The following SFSWAP variants were observed in gnomAD, a reference collection of about 807,000 sequenced individuals.
The protein encoded by SFSWAP is splicing factor, suppressor of white-apricot homolog.
SFSWAP carries 17 observed loss-of-function variants against 100.7 expected under a neutral mutation model. The observed-to-expected ratio is 0.17, with a 90% CI of 0.12 to 0.25. The LOEUF is 0.25. Among genes scored for constraint, SFSWAP ranks in the 10% least tolerant of loss-of-function variants. The probability of loss-of-function intolerance (pLI) is 1.00; values close to 1 mark genes in which losing one functional copy is unlikely to be tolerated. For missense variants in SFSWAP, 1,005 were observed against 1,262.6 expected (o/e 0.80, Z 3.09); for synonymous variants, 504 against 510.1 (o/e 0.99, Z 0.16).
At chr12:131,796,816 A>G (rs1885711546) in intron 15 of SFSWAP, 1 of 189,424 alleles carries the variant, frequency 5.3e-6, no homozygotes. Context: ...ACTTTGATGT[A>G]TTGATACTTT....
In SFSWAP at chr12:131,730,538, G is replaced by C. The variant is rs1278191314; in HGVS notation, c.1081+2110G>C. On this transcript the variant is annotated intron_variant, in intron 7 of 17. Transcript: ENST00000261674. This position sits in a 1 kb window ranked among gnomAD's most constrained non-coding sequence, Gnocchi z 4.0. ...TGTGACACACAGCATCCCCTGGTCT[G>C]GTGGGAATGTGATCTGAACTGAGGC... Among the ~76,000 whole-genome samples the C allele has an allele frequency of 3.3e-5, 5 of 152,214 alleles. No individual in the cohort carries two copies. The highest frequency in any genetic ancestry group is 7.3e-5 in the Non-Finnish European group (5 of 68,050).
At chr12:131,799,001 C>T (rs750457895) in intron 16 of SFSWAP, 36 bp from the exon 17 acceptor site, 6 of 1,536,964 alleles carry the variant, frequency 3.9e-6, no homozygotes, top group South Asian at 1.1e-5. Context: ...CATCTTCACA[C>T]GGTTGTAAGC....
intron 6 of SFSWAP, among the ~76,000 whole-genome samples, chr12:131,727,361 T>C (rs1393855487): frequency 6.6e-6 from 1 of 152,216 alleles, no homozygotes; most frequent in Non-Finnish European, 1.5e-5. Context: ...AAAATTGTTT[T>C]GTTGTGCGGG....
chr12:131,755,497 G>T lies in SFSWAP; in HGVS notation c.1548+18G>T. The T allele has an allele frequency of 6.4e-7, 1 of 1,573,690 alleles. No homozygotes were observed. The highest frequency in any genetic ancestry group is 8.7e-7 in the Non-Finnish European group (1 of 1,143,728). ...GCATGCAGGTACGTGTCTGAATGCA[G>T]GGAGGCTGTGAAGCTCTTAGAGGTG... On this transcript the variant is annotated intron_variant, in intron 10 of 17. Coordinates refer to ENST00000261674, the MANE Select transcript of SFSWAP (RefSeq NM_004592.4).
At chr12:131,789,506 C>A (rs1018737798) in intron 15 of SFSWAP, among the ~76,000 whole-genome samples, 6 of 152,156 alleles carry the variant, frequency 3.9e-5, no homozygotes, top group East Asian at 1.9e-4. Context: ...CTGCACCCCC[C>A]ACCTGGGTAA....
chr12:131,799,268 G>A (rs535314346), intron 17 of SFSWAP, among the ~76,000 whole-genome samples, 155 bp from the exon 18 acceptor site: 2 of 152,368 alleles, frequency 1.3e-5, no homozygotes, highest in East Asian at 1.9e-4. Flanking sequence ...GGGCAAAGCC[G>A]TGTGGCCCGC....
At position 131,786,586 on chromosome 12, in the gene SFSWAP, C is replaced by T; in HGVS notation, c.2532C>T (p.Ser844=). ...SPGASRKRTR[S]RSPHEKKKKR... Reference sequence around the variant, plus strand: ...GGGCCAGTAGGAAGCGGACCCGCTCCAGGTAGGCCACTGGGTGTGCACGCA... The same window carrying T: ...GGGCCAGTAGGAAGCGGACCCGCTCTAGGTAGGCCACTGGGTGTGCACGCA... Residue 844 remains serine, a splice_region_variant and synonymous_variant, in exon 15 of 18, where the codon TCC becomes TCT. Coordinates refer to ENST00000261674, the MANE Select transcript of SFSWAP (RefSeq NM_004592.4). 1 of 1,589,250 alleles carries T rather than the reference C, an allele frequency of 6.3e-7. No individual in the cohort carries two copies. The highest frequency in any genetic ancestry group is 8.6e-7 in the Non-Finnish European group (1 of 1,169,208).
intron 15 of SFSWAP, among the ~76,000 whole-genome samples, chr12:131,787,365 G>A (rs919941212): frequency 3.9e-5 from 6 of 152,164 alleles, no homozygotes; most frequent in Non-Finnish European, 7.3e-5. Flanking sequence ...CTACCCTCTC[G>A]GCCGTGGGGG....
At chr12:131,764,429 A>G (rs756914141) in intron 11 of SFSWAP, 27 bp from the exon 12 acceptor site, 8 of 1,582,960 alleles carry the variant, frequency 5.1e-6, no homozygotes, top group South Asian at 4.4e-5. Flanking sequence ...TGTAACATGT[A>G]TCATAATTCT....
intron 11 of SFSWAP, among the ~76,000 whole-genome samples, chr12:131,760,669 A>G (rs971797557): frequency 3.9e-5 from 6 of 152,194 alleles, no homozygotes; most frequent in Non-Finnish European, 8.8e-5. Flanking sequence ...AAAATTAAAA[A>G]AAAACTTGGA....
chr12:131,747,411 A>G (rs1241663778), intron 7 of SFSWAP, among the ~76,000 whole-genome samples: 1 of 152,212 alleles, frequency 6.6e-6, no homozygotes, highest in Non-Finnish European at 1.5e-5. Flanking sequence ...GAGCCCAGCA[A>G]TTACCATGTG....
chr12:131,765,999 A>T, intron 12 of SFSWAP, 119 bp from the exon 13 acceptor site: 1 of 934,942 alleles, frequency 1.1e-6, no homozygotes, highest in Non-Finnish European at 1.6e-6. Flanking sequence ...CAATGTATGT[A>T]CCTATTCAGA....
Position 131,778,284 on chromosome 12 carries a change from G to A in SFSWAP, c.2362G>A (p.Ala788Thr), listed in dbSNP as rs373704540. ...GTCCAGGTCTAGATCACACTCAAAA[G>A]CAAAGCATTCTCTTCCCAGTGCCTA... ...SKSRSRSHSK[A>T]KHSLPSAYRT... Residue 788 changes from alanine to threonine, a missense_variant, in exon 14 of 18, where the codon GCA (alanine) becomes ACA (threonine). Transcript: ENST00000261674. This position sits in a 1 kb window ranked among gnomAD's most constrained non-coding sequence, Gnocchi z 4.2. 2 of 1,614,182 alleles carry A rather than the reference G, an allele frequency of 1.2e-6. No homozygotes were observed. The highest frequency in any genetic ancestry group is 2.2e-5 in the East Asian group (1 of 44,880).
At chr12:131,795,843 T>C (rs1037115588) in intron 15 of SFSWAP, among the ~76,000 whole-genome samples, 1 of 150,850 alleles carries the variant, frequency 6.6e-6, no homozygotes, top group Non-Finnish European at 1.5e-5. Flanking sequence ...TTGAGCAGTT[T>C]GGGTCCACCT....
chr12:131,765,899 G>C (rs1390749923), intron 12 of SFSWAP, among the ~76,000 whole-genome samples: 1 of 152,104 alleles, frequency 6.6e-6, no homozygotes, highest in Non-Finnish European at 1.5e-5. Flanking sequence ...GCTTTCGTTA[G>C]TGTAGAGTCT....
At chr12:131,712,795 T>A (rs1877504529) in intron 1 of SFSWAP, 1 of 152,216 alleles carries the variant, frequency 6.6e-6, no homozygotes, top group South Asian at 2.1e-4. Flanking sequence ...AGGCTTGCTT[T>A]TCCAAAGTGT....
Position 131,794,337 on chromosome 12 carries a change from CT to C in SFSWAP, c.2535-2828del, listed in dbSNP as rs35416334. Among the ~76,000 whole-genome samples the C allele has an allele frequency of 7.5e-3, 984 of 131,928 alleles. 7 individuals are homozygous for C. Among genetic ancestry groups the C allele is most frequent in the African/African-American group, 0.019 (674 of 35,592 alleles). 86.5% of individuals were successfully genotyped at this position (131,928 alleles called of 152,430 possible). On this transcript the variant is annotated intron_variant, in intron 15 of 17. Coordinates refer to ENST00000261674, the MANE Select transcript of SFSWAP (RefSeq NM_004592.4). This position sits in a 1 kb window ranked among gnomAD's most constrained non-coding sequence, Gnocchi z 4.8. ...ATTGCTTGAGCCCAGGATTTGCAGG[CT>C]TTTTTTTTTTTTGGTAGAGACCCCC...
chr12:131,792,118 ACT>A (rs1173349030), intron 15 of SFSWAP, among the ~76,000 whole-genome samples: 1 of 147,836 alleles, frequency 6.8e-6, no homozygotes, highest in East Asian at 2.0e-4. Flanking sequence ...ACGGATCAGT[ACT>A]GTGTGTGTGC....
intron 11 of SFSWAP, among the ~76,000 whole-genome samples, chr12:131,763,849 G>A (rs943874280): frequency 2.0e-5 from 3 of 150,876 alleles, no homozygotes; most frequent in African/African-American, 7.3e-5. Flanking sequence ...AAATGAGGCC[G>A]GGCACAGTGG....
Sources: allele counts gnomAD v4.1 joint callset (sites outside exome capture counted in the v4.1 genomes callset), GRCh38; gene constraint gnomAD v4.1.1; non-coding constraint Gnocchi (gnomAD v3.1); transcripts MANE v1.5; gene names NCBI Gene and HGNC (gene_info 2026-07-23, HGNC 2026-07-21).